PITPNM2: variants seen among roughly 807,000 people sequenced by gnomAD.
PITPNM2 encodes the protein phosphatidylinositol transfer protein membrane associated 2.
Under a neutral mutation model 132.2 loss-of-function variants are expected in PITPNM2, and 35 were observed. The ratio of observed to expected loss-of-function variants is 0.26; its 90% CI spans 0.20 to 0.35. PITPNM2 has a LOEUF of 0.35. PITPNM2 is among the 10% of genes least tolerant of loss of function. The pLI is 1.00. For missense variants in PITPNM2, 1,332 were observed against 1,912.0 expected, an observed-to-expected ratio of 0.70 and a Z score of 5.66; for synonymous variants, 738 against 799.2, an observed-to-expected ratio of 0.92 and a Z score of 1.29.
chr12:123,126,840 G>C (rs2043149119), intron 1 of PITPNM2, among the ~76,000 whole-genome samples: 1 of 152,210 alleles, frequency 6.6e-6, no homozygotes, highest in Non-Finnish European at 1.5e-5. Flanking sequence ...GAAAGATCAG[G>C]ATAATGACTG....
At chr12:123,133,791 AACACAC>A (rs536799715) in intron 1 of PITPNM2, among the ~76,000 whole-genome samples, 1 of 89,884 alleles carries the variant, frequency 1.1e-5, no homozygotes, top group East Asian at 5.4e-4. Flanking sequence ...ATTATTAATG[AACACAC>A]ACACACACAC....
At chr12:123,001,226 G>GCA (rs1356217249) in intron 8 of PITPNM2, 68 bp from the exon 9 acceptor site, 1 of 1,253,184 alleles carries the variant, frequency 8.0e-7, no homozygotes, top group African/African-American at 1.5e-5. Context: ...CCCGAGGTGG[G>GCA]GACGCCCCTG....
rs2042837282 is a variant in PITPNM2 at position 123,111,686 on chromosome 12, G to T, written c.-199-1198C>A. On this transcript the variant is annotated intron_variant, in intron 1 of 25. Transcript: ENST00000320201. The surrounding 1 kb of genome is among the most constrained non-coding windows in gnomAD (Gnocchi z 4.1). ...GTGCAGGCTCCTCTGTGGGACTGAG[G>T]CTCCATCGCTGTCCTGCCCCAGCCC... Among the ~76,000 whole-genome samples, 1 of 152,220 alleles carries T rather than the reference G, an allele frequency of 6.6e-6. No individual in the cohort carries two copies. Among genetic ancestry groups the T allele is most frequent in the Non-Finnish European group, 1.5e-5 (1 of 68,026 alleles).
chr12:122,988,998 G>T, intron 18 of PITPNM2, 126 bp from the exon 19 acceptor site: 1 of 1,125,678 alleles, frequency 8.9e-7, no homozygotes. Context: ...CCAAAAGTGA[G>T]TCTTCTCCCA....
rs2038615876 is a variant in PITPNM2 at position 123,000,581 on chromosome 12, CAG to C, written c.1224+195_1224+196del. The C allele has an allele frequency of 4.5e-6, 3 of 672,372 alleles. No individual in the cohort carries two copies. The South Asian group carries it at 5.0e-5, about 11-fold the overall frequency. The allele number at this position is 672,372 out of a possible 1,614,324, so 41.7% of individuals were successfully genotyped here. On this transcript the variant is annotated intron_variant, in intron 10 of 25. Coordinates refer to ENST00000320201, the MANE Select transcript of PITPNM2 (RefSeq NM_020845.3). This position sits in a 1 kb window ranked among gnomAD's most constrained non-coding sequence, Gnocchi z 5.4. Reference sequence around the variant, plus strand: ...CCCTGGTTCTCGGGGACCTCAGAGACAGAGGGCGACAGGCGCCTTCCTAGCAG... The same window carrying C: ...CCCTGGTTCTCGGGGACCTCAGAGACAGGGCGACAGGCGCCTTCCTAGCAG...
chr12:123,038,205 A>C (rs974918578), intron 2 of PITPNM2, among the ~76,000 whole-genome samples: 35 of 152,264 alleles, frequency 2.3e-4, no homozygotes, highest in Admixed American at 2.1e-3. Context: ...AGAGCTGTAG[A>C]GGTAAGTAAG....
chr12:123,114,337 T>C (rs1209704463), intron 1 of PITPNM2, among the ~76,000 whole-genome samples: 4 of 151,760 alleles, frequency 2.6e-5, no homozygotes, highest in Non-Finnish European at 5.9e-5. Context: ...TTCTCTCTTG[T>C]CCCTGTTCCC....
chr12:123,104,040 C>T (rs2042631507), intron 2 of PITPNM2, among the ~76,000 whole-genome samples: 1 of 152,210 alleles, frequency 6.6e-6, no homozygotes, highest in South Asian at 2.1e-4. Flanking sequence ...TCTCCTGCCT[C>T]AGCCTCCCAA....
Position 122,984,290 on chromosome 12 carries a change from G to C in PITPNM2, c.*1737C>G, listed in dbSNP as rs1227696314. 1.3e-5 allele frequency: 2 copies of C among 152,688 alleles called. No homozygotes were observed. The highest frequency in any genetic ancestry group is 2.4e-5 in the African/African-American group (1 of 41,464). The allele number at this position is 152,688 out of a possible 1,614,324, so 9.5% of individuals were successfully genotyped here. The stretch of plus-strand genomic sequence containing the variant: ...GGTCTCCCAGGCAGCAGGCAAGACA[G>C]GATAAGGTGGGGCCAAGAGAGGAGG... On this transcript the variant is annotated 3_prime_UTR_variant, in exon 26 of 26. Coordinates refer to ENST00000320201, the MANE Select transcript of PITPNM2 (RefSeq NM_020845.3).
At chr12:123,102,280 G>C (rs567385315) in intron 2 of PITPNM2, among the ~76,000 whole-genome samples, 57 of 152,338 alleles carry the variant, frequency 3.7e-4, no homozygotes, top group African/African-American at 1.3e-3. Flanking sequence ...CTTGCCTCCA[G>C]CTTCCTTACT....
In PITPNM2 at chr12:123,064,003, C is replaced by T. The variant is rs540992973; in HGVS notation, c.-95-29318G>A. ...AACACCCAAGCAACAGCAGCAGCCG[C>T]TATTATTACTATAATGATGATGGTG... On this transcript the variant is annotated intron_variant, in intron 2 of 25. Transcript: ENST00000320201. The surrounding 1 kb of genome is among the most constrained non-coding windows in gnomAD (Gnocchi z 4.0). Among the ~76,000 whole-genome samples the T allele has an allele frequency of 6.6e-6, 1 of 152,008 alleles. No individual in the cohort carries two copies. Among genetic ancestry groups the T allele is most frequent in the East Asian group, 1.9e-4 (1 of 5,178 alleles).
Position 123,147,397 on chromosome 12 carries a change from C to T in PITPNM2, c.-200+3356G>A, listed in dbSNP as rs190781224. Among the ~76,000 whole-genome samples, 476 of 152,270 alleles carry T rather than the reference C, an allele frequency of 3.1e-3. 1 individual carries two copies. The highest frequency in any genetic ancestry group is 5.3e-3 in the Non-Finnish European group (359 of 68,030). ...TGGCACAATCATAACTCACTGCAGC[C>T]TGAAACTCCTAGGCTAAAGGGATCC... is the stretch of plus-strand genomic sequence containing the variant. On this transcript the variant is annotated intron_variant, in intron 1 of 25. Coordinates refer to ENST00000320201, the MANE Select transcript of PITPNM2 (RefSeq NM_020845.3).
In PITPNM2 at chr12:123,078,449, C is replaced by T. The variant is rs937466668; in HGVS notation, c.-96+31936G>A. ...CGCTGCCCCAAGAGCCTGGGCCCTCCGTCTCACGCCACGATGCCCAGCCAG... is the reference window on the plus strand; with the variant it reads ...CGCTGCCCCAAGAGCCTGGGCCCTCTGTCTCACGCCACGATGCCCAGCCAG... On this transcript the variant is annotated intron_variant, in intron 2 of 25. Coordinates refer to ENST00000320201, the MANE Select transcript of PITPNM2 (RefSeq NM_020845.3). This position sits in a 1 kb window ranked among gnomAD's most constrained non-coding sequence, Gnocchi z 7.3. 1.3e-5 allele frequency among the ~76,000 whole-genome samples: 2 copies of T among 152,200 alleles called. No individual in the cohort carries two copies. Among genetic ancestry groups the T allele is most frequent in the South Asian group, 2.1e-4 (1 of 4,830 alleles).
chr12:123,069,451 T>C (rs2041554640), intron 2 of PITPNM2, among the ~76,000 whole-genome samples: 1 of 151,980 alleles, frequency 6.6e-6, no homozygotes, highest in South Asian at 2.1e-4. Context: ...AGGACAGGGA[T>C]TGCTGCAGGC....
chr12:123,065,871 G>C (rs2041391914), intron 2 of PITPNM2, among the ~76,000 whole-genome samples: 1 of 152,150 alleles, frequency 6.6e-6, no homozygotes, highest in Non-Finnish European at 1.5e-5. Context: ...CTGCATTCAG[G>C]GGCACCCTCT....
At chr12:123,030,349 C>T (rs1448122158) in intron 3 of PITPNM2, among the ~76,000 whole-genome samples, 1 of 152,168 alleles carries the variant, frequency 6.6e-6, no homozygotes, top group Non-Finnish European at 1.5e-5. Flanking sequence ...ATAGCGTCAC[C>T]ATGTGACCCA....
In PITPNM2 at chr12:123,064,596, C is replaced by T. The variant is rs1271962489; in HGVS notation, c.-95-29911G>A. 6.6e-6 allele frequency among the ~76,000 whole-genome samples: 1 copy of T among 152,212 alleles called. No homozygotes were observed. The highest frequency in any genetic ancestry group is 2.4e-5 in the African/African-American group (1 of 41,434). ...TGCGCACAGCCCGCCACTTCCCTGC[C>T]AGGCTGACTGGGTCAAAAACAAAAC... On this transcript the variant is annotated intron_variant, in intron 2 of 25. Coordinates refer to ENST00000320201, the MANE Select transcript of PITPNM2 (RefSeq NM_020845.3). The surrounding 1 kb of genome is among the most constrained non-coding windows in gnomAD (Gnocchi z 4.0).
At chr12:123,084,510 C>T (rs922854036) in intron 2 of PITPNM2, 1 of 152,274 alleles carries the variant, frequency 6.6e-6, no homozygotes, top group African/African-American at 2.4e-5. Flanking sequence ...AAGGCTGCAA[C>T]TTTGAACATT....
chr12:123,001,987 T>G (rs1277287487), intron 8 of PITPNM2, among the ~76,000 whole-genome samples: 2 of 148,446 alleles, frequency 1.3e-5, no homozygotes, highest in African/African-American at 5.0e-5. Context: ...GCTGAGATGG[T>G]GCCGTTGCAC....
Sources: allele counts gnomAD v4.1 joint callset (sites outside exome capture counted in the v4.1 genomes callset), GRCh38; gene constraint gnomAD v4.1.1; non-coding constraint Gnocchi (gnomAD v3.1); transcripts MANE v1.5; gene names NCBI Gene and HGNC (gene_info 2026-07-23, HGNC 2026-07-21).